The following COMMD1 variants were observed in gnomAD, a reference collection of about 807,000 sequenced individuals.
COMMD1 encodes COMM domain-containing protein 1.
In COMMD1, 10 loss-of-function variants were observed where a neutral mutation model predicts 17.2. The observed-to-expected ratio is 0.58, with a 90% CI of 0.36 to 0.99. COMMD1 has a LOEUF of 0.99. Ranked by LOEUF, COMMD1 falls within the 50% of genes least tolerant of loss-of-function variation. COMMD1 has a pLI of 0.01. For synonymous variants in COMMD1, 97 were observed against 91.6 expected, an observed-to-expected ratio of 1.06 and a Z score of -0.34; for missense variants, 270 against 231.8, an observed-to-expected ratio of 1.17 and a Z score of -1.07.
intron 1 of COMMD1, among the ~76,000 whole-genome samples, chr2:61,953,600 G>A (rs1389091918): frequency 1.3e-5 from 2 of 151,706 alleles, no homozygotes; most frequent in Non-Finnish European, 2.9e-5. Flanking sequence ...GAACACCTGA[G>A]CTCAGTCAAT....
intron 1 of COMMD1, among the ~76,000 whole-genome samples, chr2:61,974,253 A>C (rs1671730537): frequency 6.6e-6 from 1 of 152,202 alleles, no homozygotes. Context: ...GCTGCACTCC[A>C]GCCTGGGCAA....
intron 1 of COMMD1, among the ~76,000 whole-genome samples, chr2:61,975,215 A>G (rs1383105459): frequency 1.4e-5 from 2 of 146,392 alleles, no homozygotes; most frequent in Admixed American, 7.0e-5. Context: ...AGTACTAAAT[A>G]ATATTTCTTT....
At chr2:62,133,357 T>C (rs1482016826) in intron 2 of COMMD1, among the ~76,000 whole-genome samples, 1 of 152,218 alleles carries the variant, frequency 6.6e-6, no homozygotes, top group African/African-American at 2.4e-5. Flanking sequence ...TTGGCCTGCC[T>C]TTAACTACCA....
chr2:61,890,950 A>T (rs1391652663), intron 1 of COMMD1, among the ~76,000 whole-genome samples: 1 of 152,092 alleles, frequency 6.6e-6, no homozygotes, highest in Non-Finnish European at 1.5e-5. Flanking sequence ...TTCTATGGTT[A>T]TTTGTTTAGA....
At chr2:61,943,259 T>C (rs1247768684) in intron 1 of COMMD1, among the ~76,000 whole-genome samples, 3 of 152,208 alleles carry the variant, frequency 2.0e-5, no homozygotes, top group Admixed American at 2.0e-4. Flanking sequence ...AAACCTGGCA[T>C]GCCCTTCCAT....
chr2:61,927,115 A>G (rs1177696590), intron 1 of COMMD1, among the ~76,000 whole-genome samples: 1 of 152,230 alleles, frequency 6.6e-6, no homozygotes, highest in African/African-American at 2.4e-5. Flanking sequence ...TAAAATGCAG[A>G]TTGGTCATTT....
At chr2:62,034,088 C>CAAAAAAAA (rs34439318) in intron 2 of COMMD1, among the ~76,000 whole-genome samples, 2 of 62,554 alleles carry the variant, frequency 3.2e-5, no homozygotes, top group Non-Finnish European at 6.7e-5. Context: ...GACCCTGTCT[C>CAAAAAAAA]AAAAAAAAAA....
At chr2:61,913,946 C>T (rs1351114624) in intron 1 of COMMD1, among the ~76,000 whole-genome samples, 4 of 151,762 alleles carry the variant, frequency 2.6e-5, no homozygotes, top group East Asian at 1.9e-4. Flanking sequence ...CTGAAGTGGG[C>T]GGATCATGAG....
intron 1 of COMMD1, among the ~76,000 whole-genome samples, chr2:61,912,459 A>T (rs1669929300): frequency 6.6e-6 from 1 of 152,202 alleles, no homozygotes; most frequent in Non-Finnish European, 1.5e-5. Context: ...ATTTTAGGCC[A>T]GGTGCGGTGG....
At chr2:62,086,238 G>C (rs1671665259) in intron 2 of COMMD1, among the ~76,000 whole-genome samples, 1 of 151,946 alleles carries the variant, frequency 6.6e-6, no homozygotes, top group Admixed American at 6.6e-5. Context: ...GGCCGGGCGC[G>C]GTGGCTCAAG....
intron 2 of COMMD1, among the ~76,000 whole-genome samples, chr2:62,072,601 T>A (rs898582347): frequency 6.6e-6 from 1 of 152,224 alleles, no homozygotes; most frequent in African/African-American, 2.4e-5. Flanking sequence ...CTGTAACATG[T>A]TCCTGGCCAG....
At chr2:62,038,834 G>GC (rs764658469) in intron 2 of COMMD1, among the ~76,000 whole-genome samples, 49 of 152,026 alleles carry the variant, frequency 3.2e-4, no homozygotes, top group South Asian at 1.2e-3. Flanking sequence ...CAGGTGTGAG[G>GC]CATCACTCCT....
intron 2 of COMMD1, among the ~76,000 whole-genome samples, chr2:62,003,287 A>G (rs1669011826): frequency 6.6e-6 from 1 of 151,836 alleles, no homozygotes; most frequent in African/African-American, 2.4e-5. Flanking sequence ...CATGCCTGTA[A>G]TCTCAACACT....
At chr2:61,971,802 C>A (rs1671658521) in intron 1 of COMMD1, among the ~76,000 whole-genome samples, 1 of 151,890 alleles carries the variant, frequency 6.6e-6, no homozygotes, top group Non-Finnish European at 1.5e-5. Flanking sequence ...AGCAAGTTTT[C>A]TTTACTTTTT....
intron 2 of COMMD1, among the ~76,000 whole-genome samples, chr2:62,105,004 A>T (rs1276914055): frequency 6.6e-6 from 1 of 152,076 alleles, no homozygotes; most frequent in Non-Finnish European, 1.5e-5. Flanking sequence ...ACCTGCCTGT[A>T]ATCCCAGCTA....
intron 2 of COMMD1, among the ~76,000 whole-genome samples, chr2:62,027,464 C>T (rs1179185007): frequency 6.6e-6 from 1 of 152,098 alleles, no homozygotes; most frequent in African/African-American, 2.4e-5. Context: ...TTTTGTCACA[C>T]TTTCAAGTAG....
At chr2:61,909,858 T>C (rs1405504634) in intron 1 of COMMD1, among the ~76,000 whole-genome samples, 18 of 152,178 alleles carry the variant, frequency 1.2e-4, no homozygotes, top group Admixed American at 9.8e-4. Flanking sequence ...CCTGGAAATA[T>C]ATTTCACAGG....
chr2:61,990,903 T>TATATACACAC (rs776666143), intron 1 of COMMD1, among the ~76,000 whole-genome samples: 1 of 116,166 alleles, frequency 8.6e-6, no homozygotes, highest in Non-Finnish European at 1.7e-5. Flanking sequence ...TATATATATA[T>TATATACACAC]ACACACACAC....
At chr2:62,045,442 C>T (rs562304195) in intron 2 of COMMD1, among the ~76,000 whole-genome samples, 1 of 152,272 alleles carries the variant, frequency 6.6e-6, no homozygotes, top group Non-Finnish European at 1.5e-5. Flanking sequence ...GTTCAGGCCC[C>T]TCCCATAATC....
Sources: gnomAD v4.1 joint callset for allele counts (sites outside exome capture counted in the v4.1 genomes callset) on GRCh38, gnomAD v4.1.1 for gene constraint, MANE v1.5 for transcripts, NCBI Gene and HGNC (gene_info 2026-07-23, HGNC 2026-07-21) for gene names.